The following SOX6 variants were observed in gnomAD, a reference collection of about 807,000 sequenced individuals.
The protein encoded by SOX6 is SRY-box transcription factor 6.
SOX6 carries 11 observed loss-of-function variants against 97.8 expected under a neutral mutation model. The ratio of observed to expected loss-of-function variants is 0.11; its 90% CI spans 0.07 to 0.19. SOX6 has a LOEUF of 0.19. SOX6 is among the 10% of genes least tolerant of loss of function. SOX6 has a pLI of 1.00. For missense variants in SOX6, 810 were observed against 1,039.5 expected, an observed-to-expected ratio of 0.78 and a Z score of 3.04; for synonymous variants, 360 against 371.4, an observed-to-expected ratio of 0.97 and a Z score of 0.35.
At chr11:15,977,288 C>T (rs1374724362) in intron 15 of SOX6, among the ~76,000 whole-genome samples, 2 of 152,102 alleles carry the variant, frequency 1.3e-5, no homozygotes, top group Non-Finnish European at 2.9e-5. Flanking sequence ...CTGGGCCCCT[C>T]CCTATCTTAG....
At chr11:16,719,735 G>T (rs1311353509) in intron 2 of SOX6, among the ~76,000 whole-genome samples, 15 of 152,048 alleles carry the variant, frequency 9.9e-5, no homozygotes, top group Admixed American at 9.8e-4. Context: ...GCTAGCCTGG[G>T]CAACATAGTG....
chr11:16,287,727 G>T (rs535405573), intron 3 of SOX6, among the ~76,000 whole-genome samples: 1 of 152,052 alleles, frequency 6.6e-6, no homozygotes, highest in Non-Finnish European at 1.5e-5. Context: ...AACTATGTAC[G>T]ATTAGAGTAT....
chr11:16,527,083 C>T (rs1432100510), intron 4 of SOX6, among the ~76,000 whole-genome samples: 1 of 152,034 alleles, frequency 6.6e-6, no homozygotes, highest in East Asian at 1.9e-4. Context: ...GGAGCAACAG[C>T]CAGATATCAG....
At chr11:16,145,709 A>T (rs150421997) in intron 6 of SOX6, among the ~76,000 whole-genome samples, 8,436 of 152,246 alleles carry the variant, frequency 0.055, 619 homozygotes, top group East Asian at 0.37. Context: ...CACCAACAAC[A>T]GACAAACAGA....
chr11:16,190,719 G>A (rs1287308112), intron 4 of SOX6, among the ~76,000 whole-genome samples: 1 of 152,024 alleles, frequency 6.6e-6, no homozygotes, highest in Non-Finnish European at 1.5e-5. Context: ...TAGCCCTTGG[G>A]GCTCAAATTA....
chr11:16,227,710 C>T (rs1187375816), intron 4 of SOX6, among the ~76,000 whole-genome samples: 1 of 152,102 alleles, frequency 6.6e-6, no homozygotes, highest in East Asian at 1.9e-4. Flanking sequence ...AGAACAAGTT[C>T]CCTATTACCT....
intron 1 of SOX6, among the ~76,000 whole-genome samples, chr11:16,432,916 G>A (rs959437254): frequency 5.9e-5 from 9 of 151,910 alleles, no homozygotes; most frequent in Non-Finnish European, 8.8e-5. Context: ...TCCATGACTC[G>A]AATATTAAAA....
chr11:16,267,943 C>A (rs897373308), intron 3 of SOX6, among the ~76,000 whole-genome samples: 1 of 151,356 alleles, frequency 6.6e-6, no homozygotes, highest in Non-Finnish European at 1.5e-5. Flanking sequence ...ATAAGCCAAA[C>A]ACAGAAAGAC....
At chr11:16,124,833 C>G (rs1006965833) in intron 6 of SOX6, among the ~76,000 whole-genome samples, 2 of 151,958 alleles carry the variant, frequency 1.3e-5, no homozygotes, top group Non-Finnish European at 2.9e-5. Context: ...GGAAAACTGA[C>G]TATAATAGGG....
At chr11:16,679,958 T>A (rs562485303) in intron 3 of SOX6, among the ~76,000 whole-genome samples, 1 of 152,254 alleles carries the variant, frequency 6.6e-6, no homozygotes, top group African/African-American at 2.4e-5. Context: ...TATGGGACTA[T>A]CTGAAAAGAC....
intron 3 of SOX6, among the ~76,000 whole-genome samples, chr11:16,616,342 C>T (rs993887163): frequency 6.6e-6 from 1 of 152,016 alleles, no homozygotes; most frequent in Non-Finnish European, 1.5e-5. Flanking sequence ...TTTACCTCAG[C>T]AGTTTGTTTT....
At chr11:16,603,261 G>A (rs560758367) in intron 4 of SOX6, among the ~76,000 whole-genome samples, 14 of 152,280 alleles carry the variant, frequency 9.2e-5, no homozygotes, top group African/African-American at 2.9e-4. Context: ...GTTCATGGCT[G>A]CAGAAATCTG....
At chr11:16,735,759 C>A (rs991292607) in intron 2 of SOX6, among the ~76,000 whole-genome samples, 5 of 152,016 alleles carry the variant, frequency 3.3e-5, no homozygotes, top group Non-Finnish European at 1.5e-5. Flanking sequence ...ATAAAAAGCA[C>A]CTAGCAAAGT....
At chr11:16,190,678 C>T (rs1026046789) in intron 4 of SOX6, among the ~76,000 whole-genome samples, 1 of 152,024 alleles carries the variant, frequency 6.6e-6, no homozygotes, top group Non-Finnish European at 1.5e-5. Context: ...CTGAAATTCC[C>T]CCTGTATTGG....
chr11:16,157,796 C>T (rs1850641549), intron 6 of SOX6, among the ~76,000 whole-genome samples: 1 of 152,034 alleles, frequency 6.6e-6, no homozygotes, highest in Non-Finnish European at 1.5e-5. Flanking sequence ...TGTTCTTCAT[C>T]TCTATGAATC....
chr11:16,112,432 T>C (rs752320587), intron 6 of SOX6, among the ~76,000 whole-genome samples: 19 of 152,180 alleles, frequency 1.2e-4, no homozygotes, highest in Non-Finnish European at 2.5e-4. Context: ...ATGTTAAACA[T>C]ATAGCTCTTC....
intron 3 of SOX6, among the ~76,000 whole-genome samples, chr11:16,305,669 T>C (rs1184747661): frequency 6.6e-6 from 1 of 152,104 alleles, no homozygotes; most frequent in Non-Finnish European, 1.5e-5. Flanking sequence ...AACAAGTAAA[T>C]AGTTAAACAT....
In SOX6 at chr11:16,186,916, G is replaced by T; in HGVS notation, c.575C>A (p.Ser192Tyr). 2 of 1,613,866 alleles carry T rather than the reference G, an allele frequency of 1.2e-6. No individual in the cohort carries two copies. Among genetic ancestry groups the T allele is most frequent in the South Asian group, 1.1e-5 (1 of 91,078 alleles). ...ACTGATCAGCTGGGTAATCATGGTG[G>T]AGAGCTGCCGTTCTTTTTCTGCCAG... ...ESLAEKERQL[S>Y]TMITQLISLR... Residue 192 changes from serine (S) to tyrosine (Y), a missense_variant, in exon 5 of 16, where the codon TCC (serine) becomes TAC (tyrosine). This residue lies in a region of SOX6 where 110 missense variants were observed against 119.0 expected (regional missense o/e 0.92). Coordinates refer to ENST00000683767, the MANE Select transcript of SOX6 (RefSeq NM_001367873.1).
chr11:16,097,632 C>T lies in SOX6; in HGVS notation c.955G>A (p.Gly319Arg). The change falls in exon 8 of 16, where the codon GGA (glycine) becomes AGA (arginine). Residue 319 changes from glycine to arginine, a missense_variant. This residue lies in a region of SOX6 where 244 missense variants were observed against 261.0 expected (regional missense o/e 0.93). Coordinates refer to ENST00000683767, the MANE Select transcript of SOX6 (RefSeq NM_001367873.1). The stretch of plus-strand genomic sequence containing the variant: ...ACCTGGAGCTGTAAAGGGCTGAGTC[C>T]AGAAGCAGCAGCAGCTGCCATTGTT... ...PSTMAAAAAS[G>R]LSPLQLQKGH... 1 of 1,611,076 alleles carries T rather than the reference C, an allele frequency of 6.2e-7. No homozygotes were observed. The highest frequency in any genetic ancestry group is 8.5e-7 in the Non-Finnish European group (1 of 1,177,988).
Sources: allele counts gnomAD v4.1 joint callset (sites outside exome capture counted in the v4.1 genomes callset), GRCh38; gene constraint gnomAD v4.1.1; regional missense constraint gnomAD v4.1.1; transcripts MANE v1.5; gene names NCBI Gene and HGNC (gene_info 2026-07-23, HGNC 2026-07-21).